The following RYR2 variants were observed in gnomAD, a reference collection of about 807,000 sequenced individuals.
RYR2 encodes cardiac muscle ryanodine receptor-calcium release channel.
Under a neutral mutation model 601.1 loss-of-function variants are expected in RYR2, and 227 were observed. The ratio of observed to expected loss-of-function variants is 0.38; its 90% confidence interval spans 0.34 to 0.42. The LOEUF is 0.42. Ranked by LOEUF, RYR2 falls within the 10% of genes least tolerant of loss-of-function variation. The pLI is 1.00. For synonymous variants in RYR2, 2,223 were observed against 2,175.1 expected (o/e 1.02, Z -0.61); for missense variants, 4,646 against 6,156.5 (o/e 0.75, Z 8.21).
intron 1 of RYR2, among the ~76,000 whole-genome samples, chr1:237,251,943 C>A (rs1687505803): frequency 6.6e-6 from 1 of 152,142 alleles, no homozygotes; most frequent in South Asian, 2.1e-4. Context: ...CCCACATCAG[C>A]AAATCCTGTC....
intron 44 of RYR2, among the ~76,000 whole-genome samples, 171 bp from the exon 45 acceptor site, chr1:237,638,186 C>G (rs528336310): frequency 6.6e-6 from 1 of 151,474 alleles, no homozygotes; most frequent in Admixed American, 6.6e-5. Flanking sequence ...TTTCTAAAGT[C>G]TAAGGTTTTA....
At chr1:237,691,292 T>G (rs1686922947) in intron 63 of RYR2, among the ~76,000 whole-genome samples, 1 of 152,100 alleles carries the variant, frequency 6.6e-6, no homozygotes, top group African/African-American at 2.4e-5. Flanking sequence ...TGTAGAAAGA[T>G]ACATGTTAAC....
intron 21 of RYR2, among the ~76,000 whole-genome samples, 183 bp downstream of exon 21, chr1:237,501,086 C>A (rs189867640): frequency 6.6e-6 from 1 of 151,912 alleles, no homozygotes; most frequent in African/African-American, 2.4e-5. Context: ...GGGCATCCTG[C>A]AAGGCTGAAT....
In RYR2 at chr1:237,617,277, G is replaced by T. The variant is rs1253660755; in HGVS notation, c.5716-9G>T. 1.2e-6 allele frequency: 2 copies of T among 1,600,554 alleles called. No homozygotes were observed. Among genetic ancestry groups the T allele is most frequent in the South Asian group, 1.1e-5 (1 of 89,082 alleles). On this transcript the variant is annotated splice_polypyrimidine_tract_variant and intron_variant, in intron 37 of 104. Transcript: ENST00000366574. ...AATTAAATTTGGTGTCTTTTTAATG[G>T]TCTCTTAGATGTGCCTACTGCTTCA...
In RYR2 at chr1:237,601,912, A is replaced by G. The variant is rs1319774814; in HGVS notation, c.4597-113A>G. ...GAGCACATCAATCGATATGCAAGAA[A>G]GGAAAATCTCTGGGCTCCTTCTGTA... On this transcript the variant is annotated intron_variant, in intron 34 of 104. Coordinates refer to ENST00000366574, the MANE Select transcript of RYR2 (RefSeq NM_001035.3). 7 of 797,610 alleles carry G rather than the reference A, an allele frequency of 8.8e-6. No individual in the cohort carries two copies. In the Admixed American group the frequency reaches 2.0e-4, roughly 23 times the overall value. The allele number at this position is 797,610 out of a possible 1,614,324, so 49.4% of individuals were successfully genotyped here.
At chr1:237,642,470 A>G (rs918175057) in intron 47 of RYR2, among the ~76,000 whole-genome samples, 4 of 152,236 alleles carry the variant, frequency 2.6e-5, no homozygotes, top group African/African-American at 7.2e-5. Context: ...TATTTTTCCC[A>G]TCTCAGAAAA....
chr1:237,392,866 A>T (rs972399746), intron 10 of RYR2, among the ~76,000 whole-genome samples: 3 of 152,244 alleles, frequency 2.0e-5, no homozygotes, highest in African/African-American at 4.8e-5. Context: ...TGATTCAATA[A>T]GAATGTGTAG....
At chr1:237,081,166 A>G (rs1261974652) in intron 1 of RYR2, among the ~76,000 whole-genome samples, 1 of 131,632 alleles carries the variant, frequency 7.6e-6, no homozygotes, top group Non-Finnish European at 1.6e-5. Context: ...GCATTGGAAG[A>G]TATACCTAAT....
chr1:237,143,708 CT>C (rs1359836379), intron 1 of RYR2, among the ~76,000 whole-genome samples: 7 of 152,178 alleles, frequency 4.6e-5, no homozygotes, highest in Admixed American at 2.0e-4. Flanking sequence ...TGGACTCTTC[CT>C]TTTAGGGCCC....
chr1:237,169,514 G>A (rs752743524), intron 1 of RYR2, among the ~76,000 whole-genome samples: 2 of 127,246 alleles, frequency 1.6e-5, no homozygotes, highest in Non-Finnish European at 3.3e-5. Context: ...TGGCCAGGCT[G>A]GTCTCGAACT....
intron 10 of RYR2, among the ~76,000 whole-genome samples, chr1:237,405,178 T>C (rs1023476323): frequency 5.9e-5 from 9 of 152,202 alleles, no homozygotes; most frequent in Admixed American, 1.3e-4. Context: ...GACATCACCT[T>C]GGGAATGAGG....
At chr1:237,149,830 C>G (rs1228649487) in intron 1 of RYR2, among the ~76,000 whole-genome samples, 1 of 151,502 alleles carries the variant, frequency 6.6e-6, no homozygotes, top group African/African-American at 2.4e-5. Context: ...TGCTGCCTTT[C>G]TGGGAATTTT....
At chr1:237,483,833 A>T (rs1662381834) in intron 17 of RYR2, among the ~76,000 whole-genome samples, 1 of 152,214 alleles carries the variant, frequency 6.6e-6, no homozygotes, top group Admixed American at 6.5e-5. Context: ...TGGAGATATT[A>T]ATAAAAAGGT....
At chr1:237,443,229 A>C (rs544560836) in intron 13 of RYR2, among the ~76,000 whole-genome samples, 52 of 151,556 alleles carry the variant, frequency 3.4e-4, no homozygotes, top group South Asian at 8.3e-4. Context: ...TATCTCACCC[A>C]GCTCACCTTT....
chr1:237,456,608 C>A lies in RYR2; in HGVS notation c.1485C>A (p.Ile495=). 6.6e-7 allele frequency: 1 copy of A among 1,517,786 alleles called. No individual in the cohort carries two copies. 94.0% of individuals were successfully genotyped at this position (1,517,786 alleles called of 1,614,324 possible). A position where few individuals can be genotyped will look rare whatever the true frequency, so the allele number is the denominator to read the frequency against. The change falls in exon 16 of 105, where the codon ATC becomes ATA. Residue 495 remains isoleucine (I), a synonymous_variant. Coordinates refer to ENST00000366574, the MANE Select transcript of RYR2 (RefSeq NM_001035.3). ...RQNLFQEEGM[I]NLVLECIDRL... ...TTTTTTTAACGTTCCAGGGAATGAT[C>A]AACCTCGTGCTTGAGTGCATAGACC... is the stretch of plus-strand genomic sequence containing the variant.
At chr1:237,570,399 C>T (rs540623513) in intron 29 of RYR2, among the ~76,000 whole-genome samples, 9 of 150,158 alleles carry the variant, frequency 6.0e-5, no homozygotes, top group South Asian at 2.1e-4. Context: ...AGTTCAGTGG[C>T]GCAATCTCAG....
chr1:237,166,781 C>T (rs1460825844), intron 1 of RYR2, among the ~76,000 whole-genome samples: 1 of 152,142 alleles, frequency 6.6e-6, no homozygotes, highest in South Asian at 2.1e-4. Flanking sequence ...TTAGATCATT[C>T]GTTGCCTTAC....
chr1:237,697,366 A>G (rs1687558098), intron 63 of RYR2, among the ~76,000 whole-genome samples: 1 of 142,050 alleles, frequency 7.0e-6, no homozygotes, highest in Admixed American at 7.4e-5. Context: ...ATATATATTT[A>G]TATAATATAT....
chr1:237,495,062 T>G (rs957981691), intron 19 of RYR2, among the ~76,000 whole-genome samples: 1 of 152,208 alleles, frequency 6.6e-6, no homozygotes, highest in Non-Finnish European at 1.5e-5. Flanking sequence ...GTGCTGGGAT[T>G]ACAGGTGTGA....
Sources: allele counts gnomAD v4.1 joint callset (sites outside exome capture counted in the v4.1 genomes callset), GRCh38; gene constraint gnomAD v4.1.1; transcripts MANE v1.5; gene names NCBI Gene and HGNC (gene_info 2026-07-23, HGNC 2026-07-21).